PRELID2: variants seen among roughly 807,000 people sequenced by gnomAD.
The protein encoded by PRELID2 is PRELI domain-containing protein 2.
A neutral mutation model predicts 28.4 loss-of-function variants in PRELID2; 25 were observed. The observed-to-expected ratio is 0.88, with a 90% CI of 0.64 to 1.23. The LOEUF (loss-of-function observed/expected upper bound fraction) is 1.23, where lower values mean the gene tolerates loss of function less well. Ranked by LOEUF, PRELID2 falls within the 50% of genes most tolerant of loss-of-function variation. The pLI, the probability that PRELID2 is intolerant of heterozygous loss-of-function variation, is 0.00. For missense variants in PRELID2, 201 were observed against 214.4 expected (o/e 0.94, Z 0.39); for synonymous variants, 76 against 71.6 (o/e 1.06, Z -0.31).
At chr5:145,393,368 T>C in the PRELID2 span, among the ~76,000 whole-genome samples, 1 of 152,146 alleles carries the variant, frequency 6.6e-6, no homozygotes, top group Non-Finnish European at 1.5e-5. Flanking sequence ...GTGTGGGAAC[T>C]GAGTAGCCTG....
chr5:145,372,278 G>C, the PRELID2 span, among the ~76,000 whole-genome samples: 1 of 152,054 alleles, frequency 6.6e-6, no homozygotes, highest in Non-Finnish European at 1.5e-5. Context: ...TTAATCCTGA[G>C]TTCTAATTTT....
chr5:145,754,546 A>T (rs1428192373), downstream of PRELID2, among the ~76,000 whole-genome samples: 1 of 152,208 alleles, frequency 6.6e-6, no homozygotes, highest in Non-Finnish European at 1.5e-5. Context: ...AAATAAACTC[A>T]TACTAAGTTG....
chr5:145,595,126 GAAAAA>G (rs1346234481), intron 1 of PRELID2, among the ~76,000 whole-genome samples: 1 of 108,512 alleles, frequency 9.2e-6, no homozygotes, highest in African/African-American at 3.4e-5. Flanking sequence ...ATCTCAAAAA[GAAAAA>G]AAAGAAGAAG....
the PRELID2 span, among the ~76,000 whole-genome samples, chr5:145,402,918 A>G: frequency 6.6e-6 from 1 of 152,164 alleles, no homozygotes; most frequent in African/African-American, 2.4e-5. Context: ...AGCCATCCAG[A>G]TACTATACAC....
At chr5:145,593,459 G>A (rs75707738) in intron 1 of PRELID2, among the ~76,000 whole-genome samples, 10,240 of 152,098 alleles carry the variant, frequency 0.067, 536 homozygotes, top group Admixed American at 0.18. Flanking sequence ...CAAAAATTGC[G>A]GCAACTGGAG....
chr5:145,496,696 T>C (rs1192126239), intron 1 of PRELID2, among the ~76,000 whole-genome samples: 2 of 152,154 alleles, frequency 1.3e-5, no homozygotes, highest in African/African-American at 2.4e-5. Flanking sequence ...AACTGTGCTA[T>C]GGTCTGAGGT....
the PRELID2 span, among the ~76,000 whole-genome samples, chr5:145,286,707 TTTTTG>T: frequency 3.7e-4 from 36 of 96,058 alleles, no homozygotes; most frequent in African/African-American, 1.7e-3. Flanking sequence ...TTTTTGTTTT[TTTTTG>T]TTTGTTTGTT....
intron 1 of PRELID2, among the ~76,000 whole-genome samples, chr5:145,563,818 G>A (rs953155534): frequency 7.9e-5 from 12 of 152,196 alleles, no homozygotes; most frequent in Non-Finnish European, 1.2e-4. Flanking sequence ...TAAAGTTATA[G>A]TTACATACAA....
chr5:145,564,900 G>A (rs375293645), intron 1 of PRELID2, among the ~76,000 whole-genome samples: 25 of 152,306 alleles, frequency 1.6e-4, no homozygotes, highest in East Asian at 1.4e-3. Context: ...AGAGGAGGGA[G>A]TTCCCCAACC....
intron 1 of PRELID2, among the ~76,000 whole-genome samples, chr5:145,723,445 G>C (rs930382088): frequency 3.3e-5 from 5 of 149,290 alleles, no homozygotes; most frequent in Non-Finnish European, 5.9e-5. Context: ...TGGAACGTTT[G>C]CAAAACGTAT....
the PRELID2 span, among the ~76,000 whole-genome samples, chr5:145,376,095 T>A: frequency 6.6e-6 from 1 of 152,232 alleles, no homozygotes; most frequent in Non-Finnish European, 1.5e-5. Flanking sequence ...CTAGGAGTTT[T>A]TAACATGCAG....
the PRELID2 span, among the ~76,000 whole-genome samples, chr5:145,292,069 TTCA>T: frequency 5.3e-5 from 8 of 152,254 alleles, no homozygotes; most frequent in East Asian, 1.2e-3. Flanking sequence ...CTCTAGATCA[TTCA>T]TCAATAAAAA....
intron 3 of PRELID2, chr5:145,819,642 T>C (rs1015234761): frequency 5.2e-6 from 3 of 575,232 alleles, no homozygotes; most frequent in Non-Finnish European, 9.1e-6. Context: ...CTAAGAGTAA[T>C]TTCTAATCAT....
intron 1 of PRELID2, among the ~76,000 whole-genome samples, chr5:145,536,212 A>G (rs1006565837): frequency 6.6e-6 from 1 of 151,950 alleles, no homozygotes; most frequent in Non-Finnish European, 1.5e-5. Flanking sequence ...TTGCTGATGC[A>G]TGCTTTATCA....
chr5:145,625,756 T>G (rs1753836620), intron 1 of PRELID2, among the ~76,000 whole-genome samples: 1 of 152,116 alleles, frequency 6.6e-6, no homozygotes, highest in African/African-American at 2.4e-5. Flanking sequence ...TTACTGAAAA[T>G]GTATACTTTA....
At chr5:145,372,418 A>T in the PRELID2 span, among the ~76,000 whole-genome samples, 1 of 151,382 alleles carries the variant, frequency 6.6e-6, no homozygotes. Flanking sequence ...TATCCTTGTT[A>T]ATTTTCTGTC....
intron 1 of PRELID2, among the ~76,000 whole-genome samples, chr5:145,742,158 T>A (rs1331947822): frequency 3.4e-5 from 4 of 118,228 alleles, no homozygotes; most frequent in Non-Finnish European, 4.9e-5. Context: ...TTATTTATTA[T>A]AAATTTATTT....
the PRELID2 span, among the ~76,000 whole-genome samples, chr5:145,326,247 G>C: frequency 6.6e-6 from 1 of 152,032 alleles, no homozygotes; most frequent in South Asian, 2.1e-4. Context: ...CTCAAGTGAT[G>C]TTCACACCTC....
At position 145,819,536 on chromosome 5, in the gene PRELID2, T is replaced by C. The variant is rs1754612021; in HGVS notation, c.207+409A>G. ...AACCTTATACTCTGGGAAATAACTG[T>C]TATCTCTGATAGTGAATTAGAAACT... On this transcript the variant is annotated intron_variant, in intron 3 of 6. Coordinates refer to ENST00000683046, the MANE Select transcript of PRELID2 (RefSeq NM_205846.3). The C allele has an allele frequency of 7.9e-6, 5 of 630,380 alleles. No individual in the cohort carries two copies. In the Admixed American group the frequency reaches 9.5e-5, roughly 12 times the overall value. The allele number at this position is 630,380 out of a possible 1,614,324, so 39.0% of individuals were successfully genotyped here.
Sources: gnomAD v4.1 joint callset for allele counts (sites outside exome capture counted in the v4.1 genomes callset) on GRCh38, gnomAD v4.1.1 for gene constraint, MANE v1.5 for transcripts, NCBI Gene and HGNC (gene_info 2026-07-23, HGNC 2026-07-21) for gene names.